The following BRSK1 variants were observed in gnomAD, a reference collection of about 807,000 sequenced individuals.
The protein encoded by BRSK1 is serine/threonine-protein kinase BRSK1.
A neutral mutation model predicts 86.2 loss-of-function variants in BRSK1; 17 were observed. The ratio of observed to expected loss-of-function variants is 0.20; its 90% CI spans 0.14 to 0.30. BRSK1 has a LOEUF of 0.30. Among genes scored for constraint, BRSK1 ranks in the 10% least tolerant of loss-of-function variants. The probability of loss-of-function intolerance (pLI) is 1.00; values close to 1 mark genes in which losing one functional copy is unlikely to be tolerated. For synonymous variants in BRSK1, 464 were observed against 440.1 expected (o/e 1.05, Z -0.68); for missense variants, 719 against 1,071.9 (o/e 0.67, Z 4.60).
chr19:55,287,540 G>A lies in BRSK1; in HGVS notation c.317+241G>A, dbSNP rs999999134. Among the ~76,000 whole-genome samples, 16 of 152,200 alleles carry A rather than the reference G, an allele frequency of 1.1e-4. No homozygotes were observed. The highest frequency in any genetic ancestry group is 2.0e-4 in the Admixed American group (3 of 15,288). ...CAACCATCCTCCTACCGTGTCCCCA[G>A]CTCCAGCTCCTCGCCCTGTGGCACT... is the stretch of plus-strand genomic sequence containing the variant. On this transcript the variant is annotated intron_variant, in intron 3 of 18. Coordinates refer to ENST00000309383, the MANE Select transcript of BRSK1 (RefSeq NM_032430.2). This position sits in a 1 kb window ranked among gnomAD's most constrained non-coding sequence, Gnocchi z 5.3.
At chr19:55,301,896 G>A (rs912060600) in intron 8 of BRSK1, among the ~76,000 whole-genome samples, 9 of 152,286 alleles carry the variant, frequency 5.9e-5, no homozygotes, top group Admixed American at 2.6e-4. Context: ...GTAAGGAGGC[G>A]AACAGGATGC....
Position 55,287,367 on chromosome 19 carries a change from C to A in BRSK1, c.317+68C>A. ...CCAGGTTACCAGGGTGGGACTTCTC[C>A]AGAAACAGGGCCTAGGGGGACCTGG... On this transcript the variant is annotated intron_variant, in intron 3 of 18. Transcript: ENST00000309383. This position sits in a 1 kb window ranked among gnomAD's most constrained non-coding sequence, Gnocchi z 5.3. 1 of 1,488,090 alleles carries A rather than the reference C, an allele frequency of 6.7e-7. No homozygotes were observed. The highest frequency in any genetic ancestry group is 9.4e-7 in the Non-Finnish European group (1 of 1,068,350). The allele number at this position is 1,488,090 out of a possible 1,614,324, so 92.2% of individuals were successfully genotyped here. A position where few individuals can be genotyped will look rare whatever the true frequency, so the allele number is the denominator to read the frequency against.
chr19:55,301,975 G>C, intron 8 of BRSK1, 162 bp from the exon 9 acceptor site: 4 of 913,928 alleles, frequency 4.4e-6, no homozygotes, highest in African/African-American at 1.6e-5. Context: ...GCGGGGCGAT[G>C]CACTCAGTCG....
In BRSK1 at chr19:55,302,013, C is replaced by T; in HGVS notation, c.826-124C>T. 1 of 1,153,048 alleles carries T rather than the reference C, an allele frequency of 8.7e-7. No individual in the cohort carries two copies. The allele number at this position is 1,153,048 out of a possible 1,614,324, so 71.4% of individuals were successfully genotyped here. On this transcript the variant is annotated intron_variant, in intron 8 of 18. Coordinates refer to ENST00000309383, the MANE Select transcript of BRSK1 (RefSeq NM_032430.2). The surrounding 1 kb of genome is among the most constrained non-coding windows in gnomAD (Gnocchi z 6.3). ...ACTAGAGGGCGATGTAATATGTCAT[C>T]CTGCCCCCGGTGGGGTGGGCGGGGA...
Position 55,294,057 on chromosome 19 carries a change from A to G in BRSK1, c.499A>G (p.Lys167Glu), listed in dbSNP as rs751803842. The change falls in exon 5 of 19, where the codon AAA becomes GAA. Residue 167 changes from lysine to glutamate, a missense_variant. Physicochemically the swap from Lys to Glu is moderately conservative, Grantham distance 56 (BLOSUM62 1). This residue lies in a region of BRSK1 where 75 missense variants were observed against 281.0 expected (regional missense o/e 0.27). Coordinates refer to ENST00000309383, the MANE Select transcript of BRSK1 (RefSeq NM_032430.2). This position sits in a 1 kb window ranked among gnomAD's most constrained non-coding sequence, Gnocchi z 4.9. ...LKPENLLLDE[K>E]NNIRIADFGM... Reference sequence around the variant, plus strand: ...GCCCGAGAACCTGCTTTTGGATGAGAAAAACAACATCCGCATTGCAGACTT... The same window carrying G: ...GCCCGAGAACCTGCTTTTGGATGAGGAAAACAACATCCGCATTGCAGACTT... 24 of 1,613,790 alleles carry G rather than the reference A, an allele frequency of 1.5e-5. No homozygotes were observed. Among genetic ancestry groups the G allele is most frequent in the Non-Finnish European group, 1.9e-5 (22 of 1,179,854 alleles).
intron 7 of BRSK1, among the ~76,000 whole-genome samples, chr19:55,298,209 CTTTTTTTTTTT>C (rs71181751): frequency 1.7e-4 from 12 of 69,638 alleles, no homozygotes; most frequent in East Asian, 4.7e-4. Flanking sequence ...TTTGTTTCTT[CTTTTTTTTTTT>C]TTTTTTTTTT....
At chr19:55,311,382 G>A (rs1368893989) in intron 18 of BRSK1, among the ~76,000 whole-genome samples, 2 of 152,176 alleles carry the variant, frequency 1.3e-5, no homozygotes, top group Non-Finnish European at 2.9e-5. Flanking sequence ...CAGTCCCCAA[G>A]AGGAGGTGGC....
rs902805846 is a variant in BRSK1 at position 55,305,568 on chromosome 19, C to T, written c.1872C>T (p.Ile624=). 5 of 1,614,170 alleles carry T rather than the reference C, an allele frequency of 3.1e-6. No homozygotes were observed. The highest frequency in any genetic ancestry group is 3.4e-6 in the Non-Finnish European group (4 of 1,180,030). Residue 624 remains isoleucine, a synonymous_variant, in exon 16 of 19, where the codon ATC becomes ATT. Transcript: ENST00000309383. ...DKPLSSIKAD[I]VHAFLSIPSL... ...CTCTCAGCAGCATCAAAGCAGACAT[C>T]GTCCATGCCTTTCTGTCGGTGAGGG...
intron 1 of BRSK1, among the ~76,000 whole-genome samples, chr19:55,284,940 C>T (rs897431601): frequency 4.2e-5 from 6 of 142,514 alleles, no homozygotes; most frequent in African/African-American, 8.0e-5. Flanking sequence ...GCTTGGACTC[C>T]GGAGTCTGAG....
In BRSK1 at chr19:55,303,237, G is replaced by C; in HGVS notation, c.1029-74G>C. 8.4e-7 allele frequency: 1 copy of C among 1,190,232 alleles called. No individual in the cohort carries two copies. The highest frequency in any genetic ancestry group is 1.3e-6 in the Non-Finnish European group (1 of 797,632). 73.7% of individuals were successfully genotyped at this position (1,190,232 alleles called of 1,614,324 possible). A position where few individuals can be genotyped will look rare whatever the true frequency, so the allele number is the denominator to read the frequency against. On this transcript the variant is annotated intron_variant, in intron 10 of 18. Coordinates refer to ENST00000309383, the MANE Select transcript of BRSK1 (RefSeq NM_032430.2). The surrounding 1 kb of genome is among the most constrained non-coding windows in gnomAD (Gnocchi z 5.1). ...GGGCAGAAATACAGGGAGCGGAGGA[G>C]ACCTCCTCTGAGCATTGATGTTGGA...
chr19:55,293,421 G>T (rs1159197329), intron 4 of BRSK1, among the ~76,000 whole-genome samples: 1 of 151,992 alleles, frequency 6.6e-6, no homozygotes, highest in Non-Finnish European at 1.5e-5. Context: ...AGAATCACTT[G>T]AACTCAGGAT....
chr19:55,303,759 G>C lies in BRSK1; in HGVS notation c.1219G>C (p.Asp407His), dbSNP rs776766095. ...RKSMEVLSIT[D>H]AGGGGSPVPT... ...GTCCATGGAAGTCCTGAGCATCACCGATGCCGGGGGTGGTGGCTCCCCTGT... is the reference window on the plus strand; with the variant it reads ...GTCCATGGAAGTCCTGAGCATCACCCATGCCGGGGGTGGTGGCTCCCCTGT... The change falls in exon 12 of 19, where the codon GAT becomes CAT. Residue 407 changes from aspartate to histidine, a missense_variant. Around this residue, in one of 6 missense-constraint regions of BRSK1, gnomAD observed 168 missense variants for 246.3 expected, o/e 0.68. Coordinates refer to ENST00000309383, the MANE Select transcript of BRSK1 (RefSeq NM_032430.2). The surrounding 1 kb of genome is among the most constrained non-coding windows in gnomAD (Gnocchi z 5.1). The C allele has an allele frequency of 6.1e-5, 98 of 1,613,080 alleles. 1 individual carries two copies. The highest frequency in any genetic ancestry group is 6.0e-5 in the Non-Finnish European group (71 of 1,179,504).
chr19:55,293,325 C>A (rs999258987), intron 4 of BRSK1, among the ~76,000 whole-genome samples: 1 of 151,950 alleles, frequency 6.6e-6, no homozygotes, highest in Non-Finnish European at 1.5e-5. Context: ...AGCGAGACTT[C>A]GTCTCAAAAA....
At position 55,308,706 on chromosome 19, in the gene BRSK1, G is replaced by GC. The variant is rs1192417349; in HGVS notation, c.2160dup (p.Ser721LeufsTer83). The GC allele has an allele frequency of 6.3e-7, 1 of 1,598,516 alleles. No homozygotes were observed. The highest frequency in any genetic ancestry group is 1.4e-5 in the African/African-American group (1 of 72,490). ...CACAGCTCCTGAGCACTCATGACCA[G>GC]CCCTCCGTGCAGGCCCTGGCAGGTG... On this transcript the variant is annotated frameshift_variant, in exon 18 of 19. Coordinates refer to ENST00000309383, the MANE Select transcript of BRSK1 (RefSeq NM_032430.2). LOFTEE classifies it high-confidence loss of function.
At chr19:55,288,317 A>T (rs2088351415) in intron 3 of BRSK1, among the ~76,000 whole-genome samples, 1 of 151,924 alleles carries the variant, frequency 6.6e-6, no homozygotes. Context: ...CTCTACAAAA[A>T]ATACAAAAAT....
chr19:55,284,489 A>ACCAACCCCCCCCCC lies in BRSK1; in HGVS notation c.49_50insAACCCCCCCCCCCC (p.Leu17GlnfsTer54). ...GGAGGTGGGGGCTCTCCCGCCTACC[A>ACCAACCCCCCCCCC]CCTCCCCCACCCCCACCCCCACCCA... On this transcript the variant is annotated frameshift_variant, in exon 1 of 19. Coordinates refer to ENST00000309383, the MANE Select transcript of BRSK1 (RefSeq NM_032430.2). LOFTEE classifies it high-confidence loss of function. 2.6e-6 allele frequency: 2 copies of ACCAACCCCCCCCCC among 764,830 alleles called. No individual in the cohort carries two copies. Among genetic ancestry groups the ACCAACCCCCCCCCC allele is most frequent in the Non-Finnish European group, 3.9e-6 (2 of 515,354 alleles). The allele number at this position is 764,830 out of a possible 1,614,324, so 47.4% of individuals were successfully genotyped here.
Position 55,304,799 on chromosome 19 carries a change from G to C in BRSK1, c.1596G>C (p.Pro532=). The change falls in exon 14 of 19, where the codon CCG becomes CCC. Residue 532 remains proline (P), a synonymous_variant. Transcript: ENST00000309383. This position sits in a 1 kb window ranked among gnomAD's most constrained non-coding sequence, Gnocchi z 5.2. ...HTPRASPTGT[P]GTTPPPSPGG... ...CCCGGGCCAGTCCCACCGGGACCCCGGGGACAACACCACCCCCCAGCCCCG... is the reference window on the plus strand; with the variant it reads ...CCCGGGCCAGTCCCACCGGGACCCCCGGGACAACACCACCCCCCAGCCCCG... 2 of 1,569,890 alleles carry C rather than the reference G, an allele frequency of 1.3e-6. No homozygotes were observed. The highest frequency in any genetic ancestry group is 1.7e-6 in the Non-Finnish European group (2 of 1,161,864).
chr19:55,287,385 G>A lies in BRSK1; in HGVS notation c.317+86G>A, dbSNP rs1202122117. ...ACTTCTCCAGAAACAGGGCCTAGGG[G>A]GACCTGGGGGACCTGCAGCTCTCCA... On this transcript the variant is annotated intron_variant, in intron 3 of 18. Coordinates refer to ENST00000309383, the MANE Select transcript of BRSK1 (RefSeq NM_032430.2). This position sits in a 1 kb window ranked among gnomAD's most constrained non-coding sequence, Gnocchi z 5.3. 3.3e-6 allele frequency: 4 copies of A among 1,226,888 alleles called. No individual in the cohort carries two copies. The highest frequency in any genetic ancestry group is 3.6e-5 in the Admixed American group (2 of 55,724). 76.0% of individuals were successfully genotyped at this position (1,226,888 alleles called of 1,614,324 possible).
rs2088463399 is a variant in BRSK1, at chr19:55,294,903, G to C, written c.678+506G>C. 6.6e-6 allele frequency among the ~76,000 whole-genome samples: 1 copy of C among 152,084 alleles called. No individual in the cohort carries two copies. Among genetic ancestry groups the C allele is most frequent in the African/African-American group, 2.4e-5 (1 of 41,396 alleles). On this transcript the variant is annotated intron_variant, in intron 7 of 18. Coordinates refer to ENST00000309383, the MANE Select transcript of BRSK1 (RefSeq NM_032430.2). This position sits in a 1 kb window ranked among gnomAD's most constrained non-coding sequence, Gnocchi z 4.9. ...TGCAACCTACGCCGCCCGGGTTCAA[G>C]CTATTCTCCTGCCTCAGCTTCCCGA... is the stretch of plus-strand genomic sequence containing the variant.
Sources: gnomAD v4.1 joint callset for allele counts (sites outside exome capture counted in the v4.1 genomes callset) on GRCh38, gnomAD v4.1.1 for gene constraint, gnomAD v4.1.1 regional missense constraint, Gnocchi (gnomAD v3.1) non-coding constraint, MANE v1.5 for transcripts, NCBI Gene and HGNC (gene_info 2026-07-23, HGNC 2026-07-21) for gene names.